The following ANKRD55 variants were observed in gnomAD, a reference collection of about 807,000 sequenced individuals.
ANKRD55 encodes the protein ankyrin repeat domain 55.
ANKRD55 carries 41 observed loss-of-function variants against 60.6 expected under a neutral mutation model. That is an observed-to-expected ratio of 0.68 (90% CI 0.53 to 0.88). The LOEUF (loss-of-function observed/expected upper bound fraction) is 0.88. Ranked by LOEUF, ANKRD55 falls within the 40% of genes least tolerant of loss-of-function variation. The pLI is 0.00. For synonymous variants in ANKRD55, 264 were observed against 290.3 expected (o/e 0.91, Z 0.92); for missense variants, 732 against 767.6 (o/e 0.95, Z 0.55).
At chr5:56,197,565 T>C (rs1581015369) in intron 2 of ANKRD55, among the ~76,000 whole-genome samples, 1 of 152,232 alleles carries the variant, frequency 6.6e-6, no homozygotes, top group East Asian at 1.9e-4. Flanking sequence ...ATGTATTCAC[T>C]ATCTTTTAGA....
chr5:56,212,300 G>A (rs1759693995), intron 2 of ANKRD55, among the ~76,000 whole-genome samples: 1 of 152,092 alleles, frequency 6.6e-6, no homozygotes, highest in South Asian at 2.1e-4. Flanking sequence ...GTGATTGTAT[G>A]AGCAAACACC....
chr5:56,137,951 C>T (rs1398768800), intron 7 of ANKRD55, among the ~76,000 whole-genome samples: 4 of 151,952 alleles, frequency 2.6e-5, no homozygotes, highest in African/African-American at 9.7e-5. Flanking sequence ...ATCAGAAAAA[C>T]ACAAACTAAA....
intron 2 of ANKRD55, among the ~76,000 whole-genome samples, chr5:56,225,064 T>C (rs532576073): frequency 4.3e-4 from 65 of 152,254 alleles, no homozygotes; most frequent in African/African-American, 1.4e-3. Context: ...CCTTGATGAA[T>C]ATTGATGCAA....
chr5:56,102,017 C>T (rs1756292221), intron 11 of ANKRD55, among the ~76,000 whole-genome samples: 2 of 151,642 alleles, frequency 1.3e-5, no homozygotes. Flanking sequence ...AAAAAATAAG[C>T]ATTTAAAAAA....
chr5:56,205,974 G>GT (rs367698877), intron 2 of ANKRD55, among the ~76,000 whole-genome samples: 5,724 of 134,824 alleles, frequency 0.042, 323 homozygotes, highest in East Asian at 0.21. Context: ...TTTCTTTCTT[G>GT]TTTTTTTTTT....
rs368447640 is a variant in ANKRD55 at position 56,146,237 on chromosome 5, T to C, written c.484-2308A>G. On this transcript the variant is annotated intron_variant, in intron 6 of 11. Coordinates refer to ENST00000341048, the MANE Select transcript of ANKRD55 (RefSeq NM_024669.3). Reference sequence around the variant, plus strand: ...AGAATGGTGCCAGGCACATTATAGATGCTGAGTAAACACTTATTAACGGAA... The same window carrying C: ...AGAATGGTGCCAGGCACATTATAGACGCTGAGTAAACACTTATTAACGGAA... Among the ~76,000 whole-genome samples the C allele has an allele frequency of 6.5e-4, 99 of 152,154 alleles. 1 individual carries two copies. The highest frequency in any genetic ancestry group is 2.4e-3 in the African/African-American group (98 of 41,504).
At chr5:56,112,504 C>CAAAAAAAAAAAAAAAACAAAA (rs1561252078) in intron 9 of ANKRD55, among the ~76,000 whole-genome samples, 7 of 25,660 alleles carry the variant, frequency 2.7e-4, no homozygotes, top group African/African-American at 1.1e-3. Context: ...TCATCTCTAG[C>CAAAAAAAAAAAAAAAACAAAA]AAAAAAAAAA....
At chr5:56,125,516 G>A (rs553607984) in intron 8 of ANKRD55, among the ~76,000 whole-genome samples, 1 of 152,168 alleles carries the variant, frequency 6.6e-6, no homozygotes, top group African/African-American at 2.4e-5. Flanking sequence ...CTGACCTCAA[G>A]TGATCCACCC....
chr5:56,165,403 G>A (rs550734140), intron 5 of ANKRD55, among the ~76,000 whole-genome samples: 2 of 152,330 alleles, frequency 1.3e-5, no homozygotes, highest in East Asian at 3.9e-4. Flanking sequence ...TGGGGTGGCA[G>A]TAGTAGTGTT....
intron 5 of ANKRD55, among the ~76,000 whole-genome samples, chr5:56,166,118 CT>C (rs372114678): frequency 0.028 from 1,619 of 58,540 alleles, 35 homozygotes; most frequent in South Asian, 0.053. Context: ...TTCTTTCTTT[CT>C]TTCTTTCTTT....
At chr5:56,103,524 A>C (rs773940194) in intron 10 of ANKRD55, among the ~76,000 whole-genome samples, 1 of 152,228 alleles carries the variant, frequency 6.6e-6, no homozygotes, top group Non-Finnish European at 1.5e-5. Flanking sequence ...GGGGTCAAAC[A>C]GAATTAGGCT....
chr5:56,176,722 C>T (rs777924570), intron 3 of ANKRD55, among the ~76,000 whole-genome samples: 2 of 152,160 alleles, frequency 1.3e-5, no homozygotes, highest in Non-Finnish European at 2.9e-5. Flanking sequence ...CCTTGGATTG[C>T]ACAAACTCTT....
At chr5:56,199,494 T>C (rs113302447) in intron 2 of ANKRD55, among the ~76,000 whole-genome samples, 1 of 151,964 alleles carries the variant, frequency 6.6e-6, no homozygotes, top group African/African-American at 2.4e-5. Flanking sequence ...GTCAGAAAAA[T>C]GTATTTTTAA....
chr5:56,206,414 A>C (rs756998080), intron 2 of ANKRD55, among the ~76,000 whole-genome samples: 1 of 152,212 alleles, frequency 6.6e-6, no homozygotes, highest in Non-Finnish European at 1.5e-5. Context: ...AATTATGAAA[A>C]CACAGATAAG....
intron 7 of ANKRD55, among the ~76,000 whole-genome samples, chr5:56,131,249 A>G (rs1232872332): frequency 6.6e-6 from 1 of 152,186 alleles, no homozygotes; most frequent in Non-Finnish European, 1.5e-5. Flanking sequence ...AAAGTCCAGA[A>G]GGAAGCCAGA....
At chr5:56,210,562 A>G (rs993159908) in intron 2 of ANKRD55, among the ~76,000 whole-genome samples, 1 of 72,510 alleles carries the variant, frequency 1.4e-5, no homozygotes, top group Admixed American at 1.1e-4. Flanking sequence ...CTACGTCTCA[A>G]AAAAAAAAAA....
intron 7 of ANKRD55, among the ~76,000 whole-genome samples, chr5:56,135,294 G>T (rs10471969): frequency 0.34 from 27,701 of 82,064 alleles, 4,474 homozygotes; most frequent in Middle Eastern, 0.44. Flanking sequence ...CTGCCTGCTT[G>T]CTTTCTTTCT....
intron 8 of ANKRD55, among the ~76,000 whole-genome samples, chr5:56,122,323 G>A (rs1333308061): frequency 6.6e-6 from 1 of 152,092 alleles, no homozygotes; most frequent in African/African-American, 2.4e-5. Context: ...AAAAGGTACT[G>A]GACGTTTGAT....
chr5:56,178,637 A>G, intron 3 of ANKRD55, among the ~76,000 whole-genome samples: 1 of 152,172 alleles, frequency 6.6e-6, no homozygotes, highest in African/African-American at 2.4e-5. Flanking sequence ...AAAATACGGT[A>G]CTTAGGAATA....
Sources: allele counts gnomAD v4.1 joint callset (sites outside exome capture counted in the v4.1 genomes callset), GRCh38; gene constraint gnomAD v4.1.1; transcripts MANE v1.5; gene names NCBI Gene and HGNC (gene_info 2026-07-23, HGNC 2026-07-21).